NEGR1: variants seen among roughly 807,000 people sequenced by gnomAD.
The protein encoded by NEGR1 is neuronal growth regulator 1, also known as IgLON family member 4.
NEGR1 carries 10 observed loss-of-function variants against 40.9 expected under a neutral mutation model. The ratio of observed to expected loss-of-function variants is 0.24; its 90% CI spans 0.15 to 0.42. NEGR1 has a LOEUF of 0.42. NEGR1 is among the 10% of genes least tolerant of loss of function. The pLI is 1.00. For synonymous variants in NEGR1, 185 were observed against 166.8 expected, an observed-to-expected ratio of 1.11 and a Z score of -0.84; for missense variants, 352 against 438.9, an observed-to-expected ratio of 0.80 and a Z score of 1.77.
chr1:72,008,302 A>G (rs1557480875), intron 1 of NEGR1, among the ~76,000 whole-genome samples: 2 of 151,900 alleles, frequency 1.3e-5, no homozygotes, highest in Non-Finnish European at 2.9e-5. Context: ...CAGACATCTA[A>G]CTCCCATGGT....
intron 1 of NEGR1, among the ~76,000 whole-genome samples, chr1:72,186,481 G>A (rs985225400): frequency 1.3e-5 from 2 of 151,500 alleles, no homozygotes; most frequent in Non-Finnish European, 1.5e-5. Context: ...GCAGCCCCAG[G>A]AGAAAAGAGG....
At chr1:71,792,426 C>T (rs1161041994) in intron 2 of NEGR1, among the ~76,000 whole-genome samples, 2 of 152,126 alleles carry the variant, frequency 1.3e-5, no homozygotes, top group African/African-American at 4.8e-5. Flanking sequence ...AAGAGCCCTT[C>T]TCATCCTGTT....
chr1:72,053,435 G>C (rs1205817269), intron 1 of NEGR1, among the ~76,000 whole-genome samples: 1 of 150,222 alleles, frequency 6.7e-6, no homozygotes, highest in Non-Finnish European at 1.5e-5. Flanking sequence ...ATTTCCATGA[G>C]AATCTTAGCC....
intron 1 of NEGR1, among the ~76,000 whole-genome samples, chr1:72,207,547 A>C (rs1653456430): frequency 6.6e-6 from 1 of 151,816 alleles, no homozygotes; most frequent in Admixed American, 6.6e-5. Flanking sequence ...AATCATTGTT[A>C]AACTATAGCT....
intron 2 of NEGR1, among the ~76,000 whole-genome samples, chr1:71,795,861 A>G (rs1271471040): frequency 6.6e-6 from 1 of 152,182 alleles, no homozygotes; most frequent in Non-Finnish European, 1.5e-5. Flanking sequence ...CCAATCCTTT[A>G]GGAAGGGAGC....
At chr1:71,834,291 A>G (rs750754844) in intron 2 of NEGR1, among the ~76,000 whole-genome samples, 23 of 152,070 alleles carry the variant, frequency 1.5e-4, no homozygotes, top group Admixed American at 2.6e-4. Flanking sequence ...ATTAAATATT[A>G]TCCTGGATGT....
At chr1:71,853,389 T>C (rs1570433268) in intron 2 of NEGR1, among the ~76,000 whole-genome samples, 1 of 152,136 alleles carries the variant, frequency 6.6e-6, no homozygotes, top group African/African-American at 2.4e-5. Flanking sequence ...TAATGTGACA[T>C]TGCTTAATAA....
rs552441049 is a variant in NEGR1, at chr1:71,982,443, G to A, written c.177-47132C>T. Among the ~76,000 whole-genome samples, 180 of 152,214 alleles carry A rather than the reference G, an allele frequency of 1.2e-3. 1 individual carries two copies. Among genetic ancestry groups the A allele is most frequent in the African/African-American group, 4.2e-3 (174 of 41,550 alleles). On this transcript the variant is annotated intron_variant, in intron 1 of 6. Coordinates refer to ENST00000357731, the MANE Select transcript of NEGR1 (RefSeq NM_173808.3). ...ACAATACAGCCAGCCTAGAATTCCA[G>A]CTTCTTTAATTTTTGTCAACACTCT...
chr1:72,112,840 A>G (rs1269376563), intron 1 of NEGR1, among the ~76,000 whole-genome samples: 1 of 151,424 alleles, frequency 6.6e-6, no homozygotes, highest in African/African-American at 2.4e-5. Flanking sequence ...CTCCCCTGAC[A>G]TGGGTTTTGG....
At chr1:71,975,377 T>G (rs1308341622) in intron 1 of NEGR1, among the ~76,000 whole-genome samples, 1 of 152,168 alleles carries the variant, frequency 6.6e-6, no homozygotes, top group African/African-American at 2.4e-5. Flanking sequence ...TCTAAGGATA[T>G]TAAAAAATAC....
chr1:71,616,414 G>A (rs1212910341), intron 4 of NEGR1, among the ~76,000 whole-genome samples: 1 of 152,230 alleles, frequency 6.6e-6, no homozygotes, highest in Non-Finnish European at 1.5e-5. Context: ...CTGATGATCT[G>A]AGGTGGAGCT....
At chr1:71,659,073 A>G (rs944969541) in intron 4 of NEGR1, among the ~76,000 whole-genome samples, 1 of 152,156 alleles carries the variant, frequency 6.6e-6, no homozygotes, top group African/African-American at 2.4e-5. Flanking sequence ...TTGAGGTAGA[A>G]AGACTTTTAC....
chr1:72,190,726 C>T (rs1159509950), intron 1 of NEGR1, among the ~76,000 whole-genome samples: 1 of 151,272 alleles, frequency 6.6e-6, no homozygotes, highest in Non-Finnish European at 1.5e-5. Flanking sequence ...TGATAATGTA[C>T]CTGAATAGCT....
chr1:71,732,492 C>CTGTGTGTGTG lies in NEGR1; in HGVS notation c.536-34363_536-34354dup, dbSNP rs141925137. On this transcript the variant is annotated intron_variant, in intron 3 of 6. Transcript: ENST00000357731. ...GCCACATTCGACACATTACTGAATG[C>CTGTGTGTGTG]TGTGTGTGTGTGTGTGTGTGTGTGT... Among the ~76,000 whole-genome samples, 98 of 147,314 alleles carry CTGTGTGTGTG rather than the reference C, an allele frequency of 6.7e-4. 1 individual carries two copies. The highest frequency in any genetic ancestry group is 3.5e-3 in the South Asian group (16 of 4,570).
chr1:71,588,538 C>G (rs1376770646), intron 6 of NEGR1, among the ~76,000 whole-genome samples: 1 of 152,066 alleles, frequency 6.6e-6, no homozygotes, highest in Non-Finnish European at 1.5e-5. Flanking sequence ...GTTTTTCCAC[C>G]ATAAAGTTTG....
At chr1:71,913,885 T>C (rs1661494323) in intron 2 of NEGR1, among the ~76,000 whole-genome samples, 1 of 150,682 alleles carries the variant, frequency 6.6e-6, no homozygotes, top group African/African-American at 2.4e-5. Flanking sequence ...GATAACTAAG[T>C]ACACTCCTTA....
At position 71,851,380 on chromosome 1, in the gene NEGR1, G is replaced by T. The variant is rs72931724; in HGVS notation, c.410-75083C>A. Among the ~76,000 whole-genome samples the T allele has an allele frequency of 6.8e-3, 1,033 of 152,156 alleles. 7 individuals are homozygous for T. The highest frequency in any genetic ancestry group is 0.024 in the African/African-American group (977 of 41,498). On this transcript the variant is annotated intron_variant, in intron 2 of 6. Transcript: ENST00000357731. ...TACTGAACCAAGAGTTTTGAGCACT[G>T]CCAGCAAGAGGTGTGCTAAAAATGC...
chr1:71,827,013 C>T (rs12061526), intron 2 of NEGR1, among the ~76,000 whole-genome samples: 58 of 151,806 alleles, frequency 3.8e-4, no homozygotes, highest in African/African-American at 1.0e-3. Context: ...CTTTAGCAAG[C>T]GATTGCTTTT....
chr1:72,060,716 T>G (rs1355221403), intron 1 of NEGR1, among the ~76,000 whole-genome samples: 1 of 151,640 alleles, frequency 6.6e-6, no homozygotes, highest in Non-Finnish European at 1.5e-5. Context: ...ACAATAAACA[T>G]TACTCAAGTT....
Sources: allele counts gnomAD v4.1 joint callset (sites outside exome capture counted in the v4.1 genomes callset), GRCh38; gene constraint gnomAD v4.1.1; transcripts MANE v1.5; gene names NCBI Gene and HGNC (gene_info 2026-07-23, HGNC 2026-07-21).